Variants in TM4SF18 observed in about 807,000 individuals in gnomAD.
TM4SF18 encodes transmembrane 4 L six family member 18, also known as transmembrane 4 L6 family member 18.
Under a neutral mutation model 23.8 loss-of-function variants are expected in TM4SF18, and 22 were observed. The observed-to-expected ratio is 0.92, with a 90% CI of 0.66 to 1.32. TM4SF18 has a LOEUF of 1.32. TM4SF18 is among the 40% of genes most tolerant of loss of function. The pLI is 0.00. For synonymous variants in TM4SF18, 87 were observed against 87.9 expected (o/e 0.99, Z 0.06); for missense variants, 255 against 240.3 (o/e 1.06, Z -0.41).
At chr3:149,328,223 T>C (rs183773156) in intron 3 of TM4SF18, among the ~76,000 whole-genome samples, 61 of 152,268 alleles carry the variant, frequency 4.0e-4, no homozygotes, top group African/African-American at 1.4e-3. Flanking sequence ...AAGTCCAAGA[T>C]CACTGGCAGA....
intron 2 of TM4SF18, among the ~76,000 whole-genome samples, chr3:149,330,656 G>A (rs1731069024): frequency 6.6e-6 from 1 of 152,146 alleles, no homozygotes; most frequent in Admixed American, 6.5e-5. Flanking sequence ...GATTCATAGT[G>A]ACTGATAAAT....
At chr3:149,325,620 G>T (rs902600785) in intron 3 of TM4SF18, among the ~76,000 whole-genome samples, 2 of 152,138 alleles carry the variant, frequency 1.3e-5, no homozygotes, top group Non-Finnish European at 2.9e-5. Context: ...TCTAAGAGGG[G>T]TTTATTCAGA....
rs1459577097 is a variant in TM4SF18, at chr3:149,330,383, T to C, written c.214A>G (p.Asn72Asp). 3 of 1,609,998 alleles carry C rather than the reference T, an allele frequency of 1.9e-6. No individual in the cohort carries two copies. In the East Asian group the frequency reaches 6.7e-5, roughly 36 times the overall value. ...TGGCAACATTTATAGTTGTTATTATTCTCCAGTACCAGAAGAACTGTTGTT... is the reference window on the plus strand; with the variant it reads ...TGGCAACATTTATAGTTGTTATTATCCTCCAGTACCAGAAGAACTGTTGTT... ...IVTTVLLVLE[N>D]NNNYKCCQSE... The change falls in exon 3 of 6, where the codon AAT becomes GAT. Residue 72 changes from asparagine to aspartate, a missense_variant. Physicochemically the swap from Asn to Asp is conservative, Grantham distance 23. Coordinates refer to ENST00000296059, the MANE Select transcript of TM4SF18 (RefSeq NM_138786.4).
At position 149,324,950 on chromosome 3, in the gene TM4SF18, C is replaced by G. The variant is rs1283401289; in HGVS notation, c.340G>C (p.Gly114Arg). The G allele has an allele frequency of 2.5e-6, 4 of 1,613,976 alleles. No homozygotes were observed. The African/African-American group carries it at 5.3e-5, about 22-fold the overall frequency. The change falls in exon 4 of 6, where the codon GGT (glycine) becomes CGT (arginine). Residue 114 changes from glycine (G) to arginine (R), a missense_variant. Gly to Arg is a moderately radical substitution (Grantham distance 125). Coordinates refer to ENST00000296059, the MANE Select transcript of TM4SF18 (RefSeq NM_138786.4). The stretch of plus-strand genomic sequence containing the variant: ...CGGCAATATGGCCCTTGGACAAGAC[C>G]CAAGGCAGAGATGACCAGGCAGTAT... ...SGYCLVISALGLVQGPYCRTL... is the reference protein window; with the variant it reads ...SGYCLVISALRLVQGPYCRTL...
At chr3:149,330,527 T>C (rs1367979299) in intron 2 of TM4SF18, 108 bp from the exon 3 acceptor site, 7 of 639,358 alleles carry the variant, frequency 1.1e-5, no homozygotes, top group South Asian at 2.3e-5. Flanking sequence ...CAGGTAGATA[T>C]GGATTTGAAT....
At position 149,320,570 on chromosome 3, in the gene TM4SF18, G is replaced by T. The variant is rs1312034300; in HGVS notation, c.*908C>A. 1 of 152,154 alleles carries T rather than the reference G, an allele frequency of 6.6e-6. No homozygotes were observed. Among genetic ancestry groups the T allele is most frequent in the African/African-American group, 2.4e-5 (1 of 41,432 alleles). The allele number at this position is 152,154 out of a possible 1,614,324, so 9.4% of individuals were successfully genotyped here. A position where few individuals can be genotyped will look rare whatever the true frequency, so the allele number is the denominator to read the frequency against. ...CTCACCCTCAGGAGTCAGAAAGGAA[G>T]AGCAAGAGTTTAGATTGTATAAGTT... is the stretch of plus-strand genomic sequence containing the variant. On this transcript the variant is annotated 3_prime_UTR_variant, in exon 6 of 6. Transcript: ENST00000296059.
intron 1 of TM4SF18, 31 bp downstream of exon 1, chr3:149,333,482 C>CTTTT (rs1553772228): frequency 2.2e-3 from 529 of 236,858 alleles, no homozygotes; most frequent in Middle Eastern, 3.3e-3. Context: ...CTCTCTCTCT[C>CTTTT]TTTTTTTTTT....
At position 149,320,537 on chromosome 3, in the gene TM4SF18, C is replaced by G. The variant is rs1730781380; in HGVS notation, c.*941G>C. 2 of 152,116 alleles carry G rather than the reference C, an allele frequency of 1.3e-5. No individual in the cohort carries two copies. The highest frequency in any genetic ancestry group is 4.8e-5 in the African/African-American group (2 of 41,402). 9.4% of individuals were successfully genotyped at this position (152,116 alleles called of 1,614,324 possible). A position where few individuals can be genotyped will look rare whatever the true frequency, so the allele number is the denominator to read the frequency against. ...TTATTTTAAGGCTACCTCTTCTAGT[C>G]CATCACACTCACCCTCAGGAGTCAG... On this transcript the variant is annotated 3_prime_UTR_variant, in exon 6 of 6. Transcript: ENST00000296059.
intron 4 of TM4SF18, among the ~76,000 whole-genome samples, chr3:149,324,651 A>G (rs188815629): frequency 4.6e-5 from 7 of 152,340 alleles, no homozygotes; most frequent in Non-Finnish European, 5.9e-5. Context: ...CTCCATGACA[A>G]CCTCAAGACA....
Position 149,321,394 on chromosome 3 carries a change from C to T in TM4SF18, c.*84G>A, listed in dbSNP as rs2108358667. On this transcript the variant is annotated 3_prime_UTR_variant, in exon 6 of 6. Transcript: ENST00000296059. ...CCAAATGCAGAAAGCACCATCATTT[C>T]AATATTGCCCTCAAGTCTACACAGT... The T allele has an allele frequency of 9.4e-7, 1 of 1,062,534 alleles. No homozygotes were observed. Among genetic ancestry groups the T allele is most frequent in the Non-Finnish European group, 1.3e-6 (1 of 753,034 alleles). The allele number at this position is 1,062,534 out of a possible 1,614,324, so 65.8% of individuals were successfully genotyped here.
Position 149,322,330 on chromosome 3 carries a change from C to A in TM4SF18, c.517G>T (p.Val173Leu). The A allele has an allele frequency of 6.2e-7, 1 of 1,614,056 alleles. No homozygotes were observed. The highest frequency in any genetic ancestry group is 8.5e-7 in the Non-Finnish European group (1 of 1,179,990). Reference sequence around the variant, plus strand: ...ACTACTCTGATGAGGCAGATGATCACTTGAAGCCCACTGAGGGTTATGAGA... The same window carrying A: ...ACTACTCTGATGAGGCAGATGATCAATTGAAGCCCACTGAGGGTTATGAGA... ...SILITLSGLQVIICLIRVVMQ... is the reference protein window; with the variant it reads ...SILITLSGLQLIICLIRVVMQ... Residue 173 changes from valine to leucine, a missense_variant, in exon 5 of 6, where the codon GTG (valine) becomes TTG (leucine). By Grantham distance (32) the Val-to-Leu change is conservative. Transcript: ENST00000296059.
intron 4 of TM4SF18, 139 bp downstream of exon 4, chr3:149,324,741 A>G: frequency 1.8e-6 from 2 of 1,082,258 alleles, no homozygotes; most frequent in South Asian, 1.6e-5. Flanking sequence ...TCTGGATATT[A>G]GTAAACTAAC....
intron 2 of TM4SF18, among the ~76,000 whole-genome samples, 159 bp downstream of exon 2, chr3:149,333,047 G>T (rs1493263): frequency 6.6e-6 from 1 of 152,106 alleles, no homozygotes; most frequent in Non-Finnish European, 1.5e-5. Flanking sequence ...TGTCCCAAAT[G>T]CCAGCAGATT....
intron 4 of TM4SF18, 87 bp from the exon 5 acceptor site, chr3:149,322,523 C>G: frequency 1.8e-6 from 2 of 1,102,862 alleles, no homozygotes; most frequent in Non-Finnish European, 2.6e-6. Flanking sequence ...TACTGTATAA[C>G]TAAAATATAT....
At position 149,333,315 on chromosome 3, in the gene TM4SF18, A is replaced by G; in HGVS notation, c.68T>C (p.Ile23Thr). 1.2e-6 allele frequency: 2 copies of G among 1,613,828 alleles called. No homozygotes were observed. Among genetic ancestry groups the G allele is most frequent in the African/African-American group, 1.3e-5 (1 of 74,998 alleles). ...CGGGAAATACAATAATATGTTCACG[A>G]TTATACTCCAAAGTGCAAGCGGAAT... ...LLIPLALWSI[I>T]VNILLYFPNG... Residue 23 changes from isoleucine to threonine, a missense_variant, in exon 2 of 6, where the codon ATC (isoleucine) becomes ACC (threonine). Transcript: ENST00000296059.
intron 3 of TM4SF18, among the ~76,000 whole-genome samples, chr3:149,328,696 C>A (rs948312098): frequency 2.0e-5 from 3 of 152,174 alleles, no homozygotes; most frequent in Non-Finnish European, 4.4e-5. Context: ...ACTTCAGTAG[C>A]AGCTCCTTCT....
Position 149,319,148 on chromosome 3 carries a change from G to A in TM4SF18, c.*2330C>T, listed in dbSNP as rs1047017557. 2.0e-5 allele frequency: 3 copies of A among 152,150 alleles called. No homozygotes were observed. Among genetic ancestry groups the A allele is most frequent in the South Asian group, 2.1e-4 (1 of 4,826 alleles). The allele number at this position is 152,150 out of a possible 1,614,324, so 9.4% of individuals were successfully genotyped here. ...TCTATTAACAGTCCATTCAACGTAC[G>A]GTGCCATGCTGAATCTAAACAAGAG... is the stretch of plus-strand genomic sequence containing the variant. On this transcript the variant is annotated 3_prime_UTR_variant, in exon 6 of 6. Transcript: ENST00000296059.
Position 149,322,280 on chromosome 3 carries a change from A to C in TM4SF18, c.567T>G (p.Cys189Trp), listed in dbSNP as rs755863094. The C allele has an allele frequency of 6.2e-7, 1 of 1,613,644 alleles. No homozygotes were observed. Among genetic ancestry groups the C allele is most frequent in the African/African-American group, 1.3e-5 (1 of 74,920 alleles). The change falls in exon 5 of 6, where the codon TGT becomes TGG. Residue 189 changes from cysteine to tryptophan, a missense_variant. Physicochemically the swap from Cys to Trp is radical, Grantham distance 215. Transcript: ENST00000296059. ...RVVMQLSKIL[C>W]GSYSVIFQPG... Reference sequence around the variant, plus strand: ...CCTGGAAGATCACTGAATAGCTTCCACACAGTATCTTGGATAGTTGCATGA... The same window carrying C: ...CCTGGAAGATCACTGAATAGCTTCCCCACAGTATCTTGGATAGTTGCATGA...
In TM4SF18 at chr3:149,320,632, T is replaced by C. The variant is rs1222590393; in HGVS notation, c.*846A>G. The C allele has an allele frequency of 6.6e-6, 1 of 152,226 alleles. No homozygotes were observed. Among genetic ancestry groups the C allele is most frequent in the Non-Finnish European group, 1.5e-5 (1 of 68,042 alleles). The allele number at this position is 152,226 out of a possible 1,614,324, so 9.4% of individuals were successfully genotyped here. A position where few individuals can be genotyped will look rare whatever the true frequency, so the allele number is the denominator to read the frequency against. ...CTTTTTGGCTCATCTATATCACTAC[T>C]TTCCTCATTGAATGTTGATGGAAGT... On this transcript the variant is annotated 3_prime_UTR_variant, in exon 6 of 6. Transcript: ENST00000296059.
Sources: allele counts gnomAD v4.1 joint callset (sites outside exome capture counted in the v4.1 genomes callset), GRCh38; gene constraint gnomAD v4.1.1; transcripts MANE v1.5; gene names NCBI Gene and HGNC (gene_info 2026-07-23, HGNC 2026-07-21).